DCDC2: variants seen among roughly 807,000 people sequenced by gnomAD.
The protein encoded by DCDC2 is doublecortin domain-containing protein 2.
Under a neutral mutation model 50.2 loss-of-function variants are expected in DCDC2, and 40 were observed. That is an observed-to-expected ratio of 0.80 (90% CI 0.62 to 1.04). DCDC2 has a LOEUF of 1.04. DCDC2 is among the 50% of genes least tolerant of loss of function. The pLI, the probability that DCDC2 is intolerant of heterozygous loss-of-function variation, is 0.00. For missense variants in DCDC2, 570 were observed against 581.9 expected, an observed-to-expected ratio of 0.98 and a Z score of 0.21; for synonymous variants, 234 against 210.6, an observed-to-expected ratio of 1.11 and a Z score of -0.96.
At chr6:24,304,526 C>A (rs1759435838) in intron 2 of DCDC2, among the ~76,000 whole-genome samples, 1 of 152,038 alleles carries the variant, frequency 6.6e-6, no homozygotes, top group African/African-American at 2.4e-5. Context: ...AATGCACGCA[C>A]CTGAACAAAA....
intron 2 of DCDC2, among the ~76,000 whole-genome samples, chr6:24,327,868 T>G (rs919989413): frequency 2.0e-5 from 3 of 152,242 alleles, no homozygotes; most frequent in African/African-American, 7.2e-5. Context: ...CTCTCAAATG[T>G]GCTTGTCTTT....
chr6:24,285,611 T>C (rs67482549), intron 6 of DCDC2, among the ~76,000 whole-genome samples: 18,445 of 152,206 alleles, frequency 0.12, 1,142 homozygotes, highest in East Asian at 0.17. Flanking sequence ...TGTGATGACA[T>C]TGATGTATCA....
At chr6:24,185,748 A>G (rs1213415281) in intron 8 of DCDC2, among the ~76,000 whole-genome samples, 1 of 151,600 alleles carries the variant, frequency 6.6e-6, no homozygotes, top group African/African-American at 2.4e-5. Context: ...GATAAAATCT[A>G]TACCATGGTG....
intron 2 of DCDC2, among the ~76,000 whole-genome samples, chr6:24,351,709 T>TA (rs1186150458): frequency 6.6e-6 from 1 of 152,160 alleles, no homozygotes. Flanking sequence ...GGCTCATGTG[T>TA]AAGTGCAAAA....
At position 24,257,709 on chromosome 6, in the gene DCDC2, A is replaced by G. The variant is rs183436829; in HGVS notation, c.922+20340T>C. 6.5e-4 allele frequency among the ~76,000 whole-genome samples: 98 copies of G among 151,200 alleles called. 2 individuals carry two copies. In the East Asian group the frequency reaches 0.018, roughly 27 times the overall value. ...GCCTGAAGTTGGGGAAAAAAAAAAA[A>G]GGCCATGAAAGTGACAAGCTTCTAA... On this transcript the variant is annotated intron_variant, in intron 7 of 9. Transcript: ENST00000378454.
intron 2 of DCDC2, 81 bp downstream of exon 2, chr6:24,353,488 C>A: frequency 2.4e-6 from 2 of 822,388 alleles, no homozygotes; most frequent in Non-Finnish European, 4.0e-6. Context: ...AAGTAGAATG[C>A]CGTCCAAATC....
At chr6:24,198,076 A>T (rs1761486017) in intron 8 of DCDC2, among the ~76,000 whole-genome samples, 1 of 152,210 alleles carries the variant, frequency 6.6e-6, no homozygotes, top group Non-Finnish European at 1.5e-5. Context: ...TAAGAAAGAA[A>T]ATCAATACAC....
rs1760855476 is a variant in DCDC2, at chr6:24,174,484, T to A, written c.*246A>T. On this transcript the variant is annotated 3_prime_UTR_variant, in exon 10 of 10. Coordinates refer to ENST00000378454, the MANE Select transcript of DCDC2 (RefSeq NM_016356.5). ...GGCAATTGTCTTCCAGTGCAAATTC[T>A]CCTCTGTCCGTCTTATTTAATATTT... 7.3e-6 allele frequency: 2 copies of A among 274,418 alleles called. No individual in the cohort carries two copies. Among genetic ancestry groups the A allele is most frequent in the Non-Finnish European group, 1.4e-5 (2 of 147,924 alleles). 17.0% of individuals were successfully genotyped at this position (274,418 alleles called of 1,614,324 possible).
chr6:24,186,814 AATT>A (rs1761213019), intron 8 of DCDC2, among the ~76,000 whole-genome samples: 1 of 152,102 alleles, frequency 6.6e-6, no homozygotes, highest in Admixed American at 6.6e-5. Context: ...CCTCCCTCAC[AATT>A]ATTATGTCGA....
chr6:24,246,777 G>A (rs77491044), intron 7 of DCDC2, among the ~76,000 whole-genome samples: 3,003 of 151,972 alleles, frequency 0.02, 86 homozygotes, highest in African/African-American at 0.064. Flanking sequence ...ATGAGCCACC[G>A]TGCCTGGCCC....
chr6:24,320,521 A>G (rs1581650996), intron 2 of DCDC2, among the ~76,000 whole-genome samples: 1 of 152,092 alleles, frequency 6.6e-6, no homozygotes, highest in African/African-American at 2.4e-5. Flanking sequence ...TAGTAGAGAC[A>G]GGGTTTCACC....
chr6:24,227,115 T>C (rs762358141), intron 7 of DCDC2, among the ~76,000 whole-genome samples: 5 of 152,128 alleles, frequency 3.3e-5, no homozygotes, highest in African/African-American at 4.8e-5. Flanking sequence ...GACGGGAGTA[T>C]GACAAAAACT....
rs562024900 is a variant in DCDC2 at position 24,184,301 on chromosome 6, G to A, written c.1024-5669C>T. 2.0e-5 allele frequency among the ~76,000 whole-genome samples: 3 copies of A among 152,254 alleles called. No individual in the cohort carries two copies. The South Asian group carries it at 6.2e-4, about 32-fold the overall frequency. ...GAATTACTGACCTGAGGCTGGGCAT[G>A]GTGGCTCACGCTTGTAATCCTAGCA... On this transcript the variant is annotated intron_variant, in intron 8 of 9. Coordinates refer to ENST00000378454, the MANE Select transcript of DCDC2 (RefSeq NM_016356.5).
chr6:24,288,902 T>C lies in DCDC2; in HGVS notation c.709A>G (p.Lys237Glu). 1 of 1,598,952 alleles carries C rather than the reference T, an allele frequency of 6.3e-7. No homozygotes were observed. Residue 237 changes from lysine to glutamate, a missense_variant, in exon 6 of 10, where the codon AAA (lysine) becomes GAA (glutamate). Lys to Glu is a moderately conservative substitution (Grantham distance 56). Coordinates refer to ENST00000378454, the MANE Select transcript of DCDC2 (RefSeq NM_016356.5). ...ACAATAGGAGGTAGTGAAGAAGCTT[T>C]CTGACTGTGGAAACAAATTGCAATT... Reference protein sequence around the residue: ...KSTMRRPFGQKASSLPPIVGS... With the variant: ...KSTMRRPFGQEASSLPPIVGS...
At chr6:24,354,850 G>C (rs1760436680) in intron 1 of DCDC2, among the ~76,000 whole-genome samples, 1 of 152,120 alleles carries the variant, frequency 6.6e-6, no homozygotes, top group African/African-American at 2.4e-5. Flanking sequence ...CTGATGTTTA[G>C]TTATCGTTTC....
chr6:24,244,385 G>T (rs1762627439), intron 7 of DCDC2, among the ~76,000 whole-genome samples: 1 of 152,214 alleles, frequency 6.6e-6, no homozygotes, highest in Non-Finnish European at 1.5e-5. Context: ...GAAAAGGACA[G>T]AAAACGTACC....
intron 7 of DCDC2, among the ~76,000 whole-genome samples, chr6:24,232,115 CAGATATAAAA>C (rs1561899896): frequency 6.6e-6 from 1 of 151,618 alleles, no homozygotes; most frequent in Non-Finnish European, 1.5e-5. Context: ...TCGAATATAA[CAGATATAAAA>C]AGATATATGG....
Position 24,314,293 on chromosome 6 carries a change from T to C in DCDC2, c.349-12249A>G, listed in dbSNP as rs571320581. Among the ~76,000 whole-genome samples the C allele has an allele frequency of 3.0e-4, 46 of 152,122 alleles. 1 individual carries two copies. In the Middle Eastern group the frequency reaches 0.01, roughly 34 times the overall value. On this transcript the variant is annotated intron_variant, in intron 2 of 9. Coordinates refer to ENST00000378454, the MANE Select transcript of DCDC2 (RefSeq NM_016356.5). ...TTCGAGACCAGTCTGGGCAACATAG[T>C]GAGACCTTGTTTCTACAAAAAGGTT... is the stretch of plus-strand genomic sequence containing the variant.
chr6:24,306,877 A>C (rs763898572), intron 2 of DCDC2, among the ~76,000 whole-genome samples: 11 of 152,260 alleles, frequency 7.2e-5, no homozygotes, highest in Non-Finnish European at 1.3e-4. Context: ...TTCAAGTTAA[A>C]AGCTGGATGA....
Sources: allele counts gnomAD v4.1 joint callset (sites outside exome capture counted in the v4.1 genomes callset), GRCh38; gene constraint gnomAD v4.1.1; transcripts MANE v1.5; gene names NCBI Gene and HGNC (gene_info 2026-07-23, HGNC 2026-07-21).